SLX4: variants seen among roughly 807,000 people sequenced by gnomAD.
SLX4 encodes the protein structure-specific endonuclease subunit SLX4.
Under a neutral mutation model 146.2 loss-of-function variants are expected in SLX4, and 112 were observed. That is an observed-to-expected ratio of 0.77 (90% confidence interval 0.66 to 0.90). The LOEUF is 0.90. Among genes scored for constraint, SLX4 ranks in the 40% least tolerant of loss-of-function variants. The probability of loss-of-function intolerance (pLI) is 0.00; values close to 1 mark genes in which losing one functional copy is unlikely to be tolerated. For synonymous variants in SLX4, 1,061 were observed against 997.7 expected (o/e 1.06, Z -1.20); for missense variants, 2,563 against 2,392.7 (o/e 1.07, Z -1.49).
At chr16:3,594,988 C>T (rs942648899) in intron 9 of SLX4, among the ~76,000 whole-genome samples, 4 of 152,196 alleles carry the variant, frequency 2.6e-5, no homozygotes, top group African/African-American at 7.2e-5. Context: ...GTCCAAGCAG[C>T]TCGGGGACCT....
chr16:3,597,841 A>T lies in SLX4; in HGVS notation c.1322T>A (p.Leu441His), dbSNP rs2040681820. 1 of 1,614,118 alleles carries T rather than the reference A, an allele frequency of 6.2e-7. No homozygotes were observed. The highest frequency in any genetic ancestry group is 8.5e-7 in the Non-Finnish European group (1 of 1,180,030). The part of the protein sequence containing the change: ...EMEPGAAVPA[L>H]RLESAFSERI... ...CTCAGAAAAGGCACTTTCCAGCCTG[A>T]GCGCTGGTACAGCCGCACCCGGCTC... is the stretch of plus-strand genomic sequence containing the variant. Residue 441 changes from leucine to histidine, a missense_variant, in exon 6 of 15, where the codon CTC becomes CAC. Leu to His is a moderately conservative substitution (Grantham distance 99, BLOSUM62 -3). Transcript: ENST00000294008. The surrounding 1 kb of genome is among the most constrained non-coding windows in gnomAD (Gnocchi z 4.4).
At chr16:3,603,332 C>A (rs2040748790) in intron 3 of SLX4, among the ~76,000 whole-genome samples, 1 of 152,234 alleles carries the variant, frequency 6.6e-6, no homozygotes, top group Non-Finnish European at 1.5e-5. Context: ...GCGTGAGCCA[C>A]CGCGTCCAGC....
chr16:3,596,289 G>T lies in SLX4; in HGVS notation c.1788C>A (p.Gly596=). 1 of 1,571,406 alleles carries T rather than the reference G, an allele frequency of 6.4e-7. No homozygotes were observed. The highest frequency in any genetic ancestry group is 8.6e-7 in the Non-Finnish European group (1 of 1,159,036). Residue 596 remains glycine, a synonymous_variant, in exon 8 of 15, where the codon GGC becomes GGA. Transcript: ENST00000294008. ...TGGCCGAAGGCGACGGGCCCCTGGA[G>T]CCACAGCCTGCAGTGGGGGTGCCGT... is the stretch of plus-strand genomic sequence containing the variant. ...ALHGTPTAGC[G]SRGPSPSASQ... is the part of the protein sequence containing the mutation.
intron 11 of SLX4, among the ~76,000 whole-genome samples, chr16:3,591,810 AT>A (rs760475248): frequency 1.3e-5 from 2 of 152,282 alleles, no homozygotes; most frequent in Non-Finnish European, 2.9e-5. Flanking sequence ...GTGAGCTGTG[AT>A]CATGCCACTG....
Position 3,581,763 on chromosome 16 carries a change from C to G in SLX4, c.*579G>C, listed in dbSNP as rs896519004. On this transcript the variant is annotated 3_prime_UTR_variant, in exon 15 of 15. Coordinates refer to ENST00000294008, the MANE Select transcript of SLX4 (RefSeq NM_032444.4). Reference sequence around the variant, plus strand: ...CTTGGGTTAAGGGAGACACACTGGGCCGGGCGCAGTGGCTGGCGCCTGTGA... The same window carrying G: ...CTTGGGTTAAGGGAGACACACTGGGGCGGGCGCAGTGGCTGGCGCCTGTGA... 1.8e-5 allele frequency: 3 copies of G among 162,784 alleles called. No homozygotes were observed. Among genetic ancestry groups the G allele is most frequent in the Non-Finnish European group, 4.0e-5 (3 of 74,090 alleles). The allele number at this position is 162,784 out of a possible 1,614,324, so 10.1% of individuals were successfully genotyped here. A position where few individuals can be genotyped will look rare whatever the true frequency, so the allele number is the denominator to read the frequency against.
At chr16:3,585,205 TG>T (rs2151118313) in intron 12 of SLX4, among the ~76,000 whole-genome samples, 1 of 152,264 alleles carries the variant, frequency 6.6e-6, no homozygotes, top group East Asian at 1.9e-4. Context: ...CTTGAGACAA[TG>T]GGCCACACTG....
chr16:3,602,330 C>T (rs954922296), intron 3 of SLX4, 23 bp from the exon 4 acceptor site: 13 of 1,612,358 alleles, frequency 8.1e-6, no homozygotes, highest in East Asian at 4.5e-5. Context: ...ACCAAAGATC[C>T]GTGAGAATAA....
At chr16:3,591,787 G>A (rs998010537) in intron 11 of SLX4, among the ~76,000 whole-genome samples, 1 of 152,286 alleles carries the variant, frequency 6.6e-6, no homozygotes, top group African/African-American at 2.4e-5. Context: ...TAGCCTAGGA[G>A]TTCAAGGCTA....
Position 3,586,221 on chromosome 16 carries a change from C to T in SLX4, c.4637-1350G>A, listed in dbSNP as rs1023958974. 3.3e-5 allele frequency among the ~76,000 whole-genome samples: 5 copies of T among 152,198 alleles called. No homozygotes were observed. The East Asian group carries it at 5.8e-4, about 18-fold the overall frequency. On this transcript the variant is annotated intron_variant, in intron 12 of 14. Coordinates refer to ENST00000294008, the MANE Select transcript of SLX4 (RefSeq NM_032444.4). ...TATTCCTAAGTGGCATTATTAATAA[C>T]CACAAATTAAAAACAACCCGTGTGT... is the stretch of plus-strand genomic sequence containing the variant.
chr16:3,597,456 G>A lies in SLX4; in HGVS notation c.1606C>T (p.Leu536=). The change falls in exon 7 of 15, where the codon CTG becomes TTG. Residue 536 remains leucine, a synonymous_variant. Coordinates refer to ENST00000294008, the MANE Select transcript of SLX4 (RefSeq NM_032444.4). The surrounding 1 kb of genome is among the most constrained non-coding windows in gnomAD (Gnocchi z 4.4). ...TCCTCCATGGCCCAGGCCCCAGTCAGTGCGCTGCCCTCCCACAGAAAGCTC... is the reference window on the plus strand; with the variant it reads ...TCCTCCATGGCCCAGGCCCCAGTCAATGCGCTGCCCTCCCACAGAAAGCTC... The part of the protein sequence containing the change: ...KQSFLWEGSA[L]TGAWAMEDFY... 6.2e-7 allele frequency: 1 copy of A among 1,613,206 alleles called. No homozygotes were observed. Among genetic ancestry groups the A allele is most frequent in the Non-Finnish European group, 8.5e-7 (1 of 1,179,746 alleles).
chr16:3,600,998 T>C lies in SLX4; in HGVS notation c.1144A>G (p.Ser382Gly). The change falls in exon 5 of 15, where the codon AGC (serine) becomes GGC (glycine). Residue 382 changes from serine (S) to glycine (G), a missense_variant. Physicochemically the swap from Ser to Gly is moderately conservative, Grantham distance 56. Transcript: ENST00000294008. ...ACTTACCTGAACATGGGTGGGCTGC[T>C]GCTACCCTCAGGCTGTGCTGTCTGC... Reference protein sequence around the residue: ...RLQTAQPEGSSSPPMFSFSDH... With the variant: ...RLQTAQPEGSGSPPMFSFSDH... 6.2e-7 allele frequency: 1 copy of C among 1,613,870 alleles called. No individual in the cohort carries two copies. Among genetic ancestry groups the C allele is most frequent in the Non-Finnish European group, 8.5e-7 (1 of 1,180,036 alleles).
At position 3,597,328 on chromosome 16, in the gene SLX4, T is replaced by C. The variant is rs1191808641; in HGVS notation, c.1683+51A>G. The C allele has an allele frequency of 1.4e-6, 2 of 1,471,476 alleles. No individual in the cohort carries two copies. The highest frequency in any genetic ancestry group is 2.5e-5 in the East Asian group (1 of 40,392). The allele number at this position is 1,471,476 out of a possible 1,614,324, so 91.2% of individuals were successfully genotyped here. A position where few individuals can be genotyped will look rare whatever the true frequency, so the allele number is the denominator to read the frequency against. ...GGTACCCAGTGTTGCAGTTCTGGGATTGCCAACCTCCCCCAAAAGCCTATC... is the reference window on the plus strand; with the variant it reads ...GGTACCCAGTGTTGCAGTTCTGGGACTGCCAACCTCCCCCAAAAGCCTATC... On this transcript the variant is annotated intron_variant, in intron 7 of 14. Coordinates refer to ENST00000294008, the MANE Select transcript of SLX4 (RefSeq NM_032444.4). The surrounding 1 kb of genome is among the most constrained non-coding windows in gnomAD (Gnocchi z 4.4).
intron 5 of SLX4, among the ~76,000 whole-genome samples, chr16:3,598,750 C>G (rs1482281656): frequency 6.6e-6 from 1 of 152,184 alleles, no homozygotes; most frequent in Non-Finnish European, 1.5e-5. Context: ...AGGGATGGCT[C>G]AAGTTCACCT....
intron 3 of SLX4, among the ~76,000 whole-genome samples, chr16:3,606,207 T>C (rs1372438641): frequency 2.6e-5 from 4 of 151,834 alleles, no homozygotes; most frequent in African/African-American, 9.7e-5. Context: ...GCTGAGATCA[T>C]GTCACTGCAC....
chr16:3,594,830 T>G (rs2040633018), intron 9 of SLX4, among the ~76,000 whole-genome samples: 1 of 152,194 alleles, frequency 6.6e-6, no homozygotes, highest in African/African-American at 2.4e-5. Context: ...CTCTTGCCAG[T>G]GGGTTCCCTG....
chr16:3,599,151 CT>C (rs1225299619), intron 5 of SLX4, among the ~76,000 whole-genome samples: 1 of 152,200 alleles, frequency 6.6e-6, no homozygotes. Flanking sequence ...GACGTCTATT[CT>C]AAGGCCTCAA....
At position 3,594,546 on chromosome 16, in the gene SLX4, G is replaced by A. The variant is rs774553905; in HGVS notation, c.2067C>T (p.His689=). The A allele has an allele frequency of 6.2e-7, 1 of 1,614,124 alleles. No homozygotes were observed. Among genetic ancestry groups the A allele is most frequent in the South Asian group, 1.1e-5 (1 of 91,082 alleles). The change falls in exon 10 of 15, where the codon CAC becomes CAT. Residue 689 remains histidine (H), a synonymous_variant. Coordinates refer to ENST00000294008, the MANE Select transcript of SLX4 (RefSeq NM_032444.4). ...ADFGAMVNNP[H]LSDVQFQTDS... is the part of the protein sequence containing the mutation. ...CCGTCTGAAACTGGACATCACTCAG[G>A]TGTGGGTTATTGACCATGGCGCCAA...
Position 3,590,501 on chromosome 16 carries a change from C to G in SLX4, c.3137G>C (p.Arg1046Pro). 1 of 1,613,760 alleles carries G rather than the reference C, an allele frequency of 6.2e-7. No individual in the cohort carries two copies. The highest frequency in any genetic ancestry group is 8.5e-7 in the Non-Finnish European group (1 of 1,179,728). ...CGACCCACTTGTGTGATGAGACCCG[C>G]GGGGACTCCCGCCCTGGGGAGGCCC... ...LLGPPQGGSP[R>P]GSHHTSGSSL... The change falls in exon 12 of 15, where the codon CGC becomes CCC. Residue 1046 changes from arginine to proline, a missense_variant. Transcript: ENST00000294008. The surrounding 1 kb of genome is among the most constrained non-coding windows in gnomAD (Gnocchi z 4.8).
chr16:3,599,658 C>A (rs2040705053), intron 5 of SLX4, among the ~76,000 whole-genome samples: 1 of 152,232 alleles, frequency 6.6e-6, no homozygotes, highest in Non-Finnish European at 1.5e-5. Context: ...GCAATCACAG[C>A]TCATTGCAAC....
Sources: allele counts gnomAD v4.1 joint callset (sites outside exome capture counted in the v4.1 genomes callset), GRCh38; gene constraint gnomAD v4.1.1; non-coding constraint Gnocchi (gnomAD v3.1); transcripts MANE v1.5; gene names NCBI Gene and HGNC (gene_info 2026-07-23, HGNC 2026-07-21).